MIX23: variants seen among roughly 807,000 people sequenced by gnomAD.
MIX23 encodes the protein mitochondrial matrix import factor 23, also known as protein MIX23.
Under a neutral mutation model 21.6 loss-of-function variants are expected in MIX23, and 13 were observed. The ratio of observed to expected loss-of-function variants is 0.60; its 90% CI spans 0.39 to 0.96. MIX23 has a LOEUF of 0.96. MIX23 is among the 40% of genes least tolerant of loss of function. MIX23 has a pLI of 0.00. For synonymous variants in MIX23, 59 were observed against 58.0 expected (o/e 1.02, Z -0.08); for missense variants, 144 against 171.2 (o/e 0.84, Z 0.89).
In MIX23 at chr3:122,372,264, T is replaced by C. The variant is rs999932237; in HGVS notation, c.52-464A>G. ...AAAAAAAAAACCAACAGAAAAATAA[T>C]ATCAAAAGGGCAGGGAACTTAAAAA... is the stretch of plus-strand genomic sequence containing the variant. On this transcript the variant is annotated intron_variant, in intron 1 of 4. Coordinates refer to ENST00000291458, the MANE Select transcript of MIX23 (RefSeq NM_001017928.4). Among the ~76,000 whole-genome samples, 11 of 83,582 alleles carry C rather than the reference T, an allele frequency of 1.3e-4. No individual in the cohort carries two copies. In the South Asian group the frequency reaches 4.5e-3, roughly 34 times the overall value. The allele number at this position is 83,582 out of a possible 152,430, so 54.8% of individuals were successfully genotyped here.
At position 122,376,166 on chromosome 3, in the gene MIX23, C is replaced by CAAAAA. The variant is rs1158747986; in HGVS notation, c.52-4371_52-4367dup. ...TGGGCAGCAGAGAGAGACTCCGTCT[C>CAAAAA]AAAAAAAAAAAAAAAAAAAAAAAGA... is the stretch of plus-strand genomic sequence containing the variant. On this transcript the variant is annotated intron_variant, in intron 1 of 4. Coordinates refer to ENST00000291458, the MANE Select transcript of MIX23 (RefSeq NM_001017928.4). 2.4e-3 allele frequency among the ~76,000 whole-genome samples: 152 copies of CAAAAA among 64,308 alleles called. 5 individuals are homozygous for CAAAAA. The highest frequency in any genetic ancestry group is 4.7e-3 in the African/African-American group (73 of 15,400). 42.2% of individuals were successfully genotyped at this position (64,308 alleles called of 152,430 possible). A position where few individuals can be genotyped will look rare whatever the true frequency, so the allele number is the denominator to read the frequency against.
rs146851357 is a variant in MIX23 at position 122,379,399 on chromosome 3, G to A, written c.51+3775C>T. On this transcript the variant is annotated intron_variant, in intron 1 of 4. Transcript: ENST00000291458. ...AAAGAACTGTAAACCGTCTCACCAGGCTCACATTTCTTCACAGGGAAAAAA... is the reference window on the plus strand; with the variant it reads ...AAAGAACTGTAAACCGTCTCACCAGACTCACATTTCTTCACAGGGAAAAAA... Among the ~76,000 whole-genome samples the A allele has an allele frequency of 7.2e-3, 1,098 of 152,248 alleles. 12 individuals carry two copies. The highest frequency in any genetic ancestry group is 0.023 in the African/African-American group (956 of 41,544).
intron 1 of MIX23, among the ~76,000 whole-genome samples, chr3:122,381,346 G>T (rs910100657): frequency 1.3e-5 from 2 of 152,278 alleles, no homozygotes; most frequent in East Asian, 3.9e-4. Context: ...TGTATCTGGA[G>T]ATAGGGCCTT....
intron 1 of MIX23, among the ~76,000 whole-genome samples, chr3:122,373,306 C>A (rs1263153501): frequency 5.3e-5 from 8 of 151,482 alleles, no homozygotes; most frequent in Non-Finnish European, 5.9e-5. Context: ...GGGTCTCACT[C>A]TGTTGCTCAG....
rs532669907 is a variant in MIX23 at position 122,383,061 on chromosome 3, G to C, written c.51+113C>G. Reference sequence around the variant, plus strand: ...TGACCTCCAATGGCTCGAGAAAAGAGCTTTGAATTGCCCGCTTTTTCCAAA... The same window carrying C: ...TGACCTCCAATGGCTCGAGAAAAGACCTTTGAATTGCCCGCTTTTTCCAAA... On this transcript the variant is annotated intron_variant, in intron 1 of 4. Transcript: ENST00000291458. The C allele has an allele frequency of 4.3e-6, 6 of 1,398,840 alleles. No individual in the cohort carries two copies. The African/African-American group carries it at 7.0e-5, about 16-fold the overall frequency. 86.7% of individuals were successfully genotyped at this position (1,398,840 alleles called of 1,614,324 possible). A position where few individuals can be genotyped will look rare whatever the true frequency, so the allele number is the denominator to read the frequency against.
chr3:122,383,045 A>G lies in MIX23; in HGVS notation c.51+129T>C, dbSNP rs1053242600. 3.1e-6 allele frequency: 4 copies of G among 1,270,858 alleles called. No individual in the cohort carries two copies. In the African/African-American group the frequency reaches 5.9e-5, roughly 19 times the overall value. 78.7% of individuals were successfully genotyped at this position (1,270,858 alleles called of 1,614,324 possible). A position where few individuals can be genotyped will look rare whatever the true frequency, so the allele number is the denominator to read the frequency against. On this transcript the variant is annotated intron_variant, in intron 1 of 4. Transcript: ENST00000291458. ...AAACCCGCGCCCCCCATGACCTCCAATGGCTCGAGAAAAGAGCTTTGAATT... is the reference window on the plus strand; with the variant it reads ...AAACCCGCGCCCCCCATGACCTCCAGTGGCTCGAGAAAAGAGCTTTGAATT...
intron 1 of MIX23, among the ~76,000 whole-genome samples, chr3:122,376,463 C>A (rs1418490328): frequency 6.6e-6 from 1 of 151,662 alleles, no homozygotes; most frequent in Non-Finnish European, 1.5e-5. Context: ...ACTAAAAATA[C>A]AAAAAAATAG....
At chr3:122,362,595 C>A (rs1314314962) in intron 4 of MIX23, among the ~76,000 whole-genome samples, 1 of 151,984 alleles carries the variant, frequency 6.6e-6, no homozygotes, top group East Asian at 1.9e-4. Flanking sequence ...GATTCTCCTG[C>A]CTCAGCCTCC....
chr3:122,374,035 CAA>C (rs1034394299), intron 1 of MIX23, among the ~76,000 whole-genome samples: 2 of 138,494 alleles, frequency 1.4e-5, no homozygotes. Context: ...TTGGGAAGTC[CAA>C]AAAAAAAAAT....
At chr3:122,367,443 T>G (rs1180420087) in intron 3 of MIX23, among the ~76,000 whole-genome samples, 1 of 152,204 alleles carries the variant, frequency 6.6e-6, no homozygotes, top group Non-Finnish European at 1.5e-5. Context: ...TTCTGCTGCA[T>G]TAACTGTATT....
At chr3:122,374,102 A>AT (rs367550434) in intron 1 of MIX23, among the ~76,000 whole-genome samples, 20,921 of 122,648 alleles carry the variant, frequency 0.17, 1,825 homozygotes, top group African/African-American at 0.25. Context: ...TGACTGGCCT[A>AT]TTTTTTTTTT....
chr3:122,381,596 T>C (rs1035666975), intron 1 of MIX23, among the ~76,000 whole-genome samples: 7 of 151,856 alleles, frequency 4.6e-5, no homozygotes, highest in African/African-American at 1.7e-4. Context: ...GGCACGGTGG[T>C]AGGCGCCTAT....
chr3:122,376,517 TC>T (rs1208074856), intron 1 of MIX23, among the ~76,000 whole-genome samples: 8 of 151,876 alleles, frequency 5.3e-5, no homozygotes, highest in Admixed American at 6.6e-5. Context: ...TATTTGGGAC[TC>T]TGAGGCAGGA....
intron 1 of MIX23, 24 bp downstream of exon 1, chr3:122,383,150 G>C (rs1559996534): frequency 6.2e-7 from 1 of 1,613,790 alleles, no homozygotes; most frequent in East Asian, 2.2e-5. Context: ...GCACATGCCT[G>C]CCACATGAGG....
Position 122,381,428 on chromosome 3 carries a change from A to G in MIX23, c.51+1746T>C, listed in dbSNP as rs112263333. Among the ~76,000 whole-genome samples, 307 of 152,310 alleles carry G rather than the reference A, an allele frequency of 2.0e-3. 2 individuals carry two copies. Among genetic ancestry groups the G allele is most frequent in the African/African-American group, 7.0e-3 (292 of 41,550 alleles). Reference sequence around the variant, plus strand: ...ATCCGATAGAACTGATGTCCCTATAAGAAGAGGAAGAGATAGGCTGGGCGC... The same window carrying G: ...ATCCGATAGAACTGATGTCCCTATAGGAAGAGGAAGAGATAGGCTGGGCGC... On this transcript the variant is annotated intron_variant, in intron 1 of 4. Coordinates refer to ENST00000291458, the MANE Select transcript of MIX23 (RefSeq NM_001017928.4).
At chr3:122,361,116 A>T (rs924213284) in intron 4 of MIX23, among the ~76,000 whole-genome samples, 2 of 152,192 alleles carry the variant, frequency 1.3e-5, no homozygotes, top group African/African-American at 4.8e-5. Flanking sequence ...AAGTGCTGGG[A>T]TTACAGGCGT....
At chr3:122,381,930 T>G (rs2075536100) in intron 1 of MIX23, among the ~76,000 whole-genome samples, 2 of 152,136 alleles carry the variant, frequency 1.3e-5, no homozygotes, top group Non-Finnish European at 2.9e-5. Context: ...GCCTAGAAAC[T>G]GATGGCAGCT....
At chr3:122,369,182 A>T (rs1326340288) in intron 2 of MIX23, among the ~76,000 whole-genome samples, 1 of 152,206 alleles carries the variant, frequency 6.6e-6, no homozygotes, top group Non-Finnish European at 1.5e-5. Context: ...TATGTTTACC[A>T]TGGGAATAAA....
intron 3 of MIX23, among the ~76,000 whole-genome samples, chr3:122,364,943 C>T (rs2075386066): frequency 6.6e-6 from 1 of 152,136 alleles, no homozygotes; most frequent in Non-Finnish European, 1.5e-5. Flanking sequence ...TACAAAGCCA[C>T]CAAGGTAGGT....
Sources: allele counts gnomAD v4.1 joint callset (sites outside exome capture counted in the v4.1 genomes callset), GRCh38; gene constraint gnomAD v4.1.1; transcripts MANE v1.5; gene names NCBI Gene and HGNC (gene_info 2026-07-23, HGNC 2026-07-21).